PCCA: variants seen among roughly 807,000 people sequenced by gnomAD.
PCCA encodes the protein propionyl-CoA carboxylase subunit alpha.
A neutral mutation model predicts 101.3 loss-of-function variants in PCCA; 74 were observed. That is an observed-to-expected ratio of 0.73 (90% CI 0.61 to 0.89). PCCA has a LOEUF of 0.89. PCCA is among the 40% of genes least tolerant of loss of function. The pLI, the probability that PCCA is intolerant of heterozygous loss-of-function variation, is 0.00. For missense variants in PCCA, 891 were observed against 907.0 expected, an observed-to-expected ratio of 0.98 and a Z score of 0.23; for synonymous variants, 294 against 313.6, an observed-to-expected ratio of 0.94 and a Z score of 0.66.
chr13:100,444,890 ATAAAT>A (rs1419744243), intron 20 of PCCA, among the ~76,000 whole-genome samples: 1 of 152,124 alleles, frequency 6.6e-6, no homozygotes, highest in African/African-American at 2.4e-5. Context: ...TTTTTAATTG[ATAAAT>A]TAAAGTTGCA....
At chr13:100,498,565 C>A (rs530118573) in intron 21 of PCCA, among the ~76,000 whole-genome samples, 1 of 152,292 alleles carries the variant, frequency 6.6e-6, no homozygotes, top group East Asian at 1.9e-4. Flanking sequence ...TATTAACGTT[C>A]ACAACGCTGT....
At chr13:100,452,860 A>G (rs1371118337) in intron 21 of PCCA, among the ~76,000 whole-genome samples, 1 of 152,068 alleles carries the variant, frequency 6.6e-6, no homozygotes, top group Non-Finnish European at 1.5e-5. Flanking sequence ...TGAATGACTG[A>G]AATTGGCCAA....
At chr13:100,431,597 T>C (rs917362092) in intron 20 of PCCA, among the ~76,000 whole-genome samples, 1 of 152,206 alleles carries the variant, frequency 6.6e-6, no homozygotes, top group African/African-American at 2.4e-5. Context: ...ACGGTATGAG[T>C]GGCTCACGCC....
At chr13:100,188,493 A>G (rs1400866559) in intron 6 of PCCA, among the ~76,000 whole-genome samples, 1 of 152,104 alleles carries the variant, frequency 6.6e-6, no homozygotes, top group Non-Finnish European at 1.5e-5. Flanking sequence ...TATTTTTGCA[A>G]TTGCAAATTG....
intron 19 of PCCA, among the ~76,000 whole-genome samples, chr13:100,414,415 G>A (rs1292556276): frequency 6.6e-6 from 1 of 152,110 alleles, no homozygotes; most frequent in Non-Finnish European, 1.5e-5. Context: ...GGTAAAGAAA[G>A]CCTCCCCTTT....
chr13:100,407,827 T>C (rs374969465), intron 19 of PCCA, among the ~76,000 whole-genome samples: 1 of 152,218 alleles, frequency 6.6e-6, no homozygotes, highest in Non-Finnish European at 1.5e-5. Context: ...TTACATGTTA[T>C]AATAGTAACT....
intron 21 of PCCA, among the ~76,000 whole-genome samples, chr13:100,478,004 C>T (rs543786577): frequency 2.0e-5 from 3 of 152,212 alleles, no homozygotes; most frequent in East Asian, 1.9e-4. Flanking sequence ...CTGGATGTGG[C>T]GAGCTCGAGC....
At chr13:100,426,737 T>TG (rs1205754182) in intron 20 of PCCA, among the ~76,000 whole-genome samples, 5 of 152,166 alleles carry the variant, frequency 3.3e-5, no homozygotes, top group Admixed American at 6.5e-5. Flanking sequence ...TCCCAGTATA[T>TG]TTTTTCTCAT....
intron 20 of PCCA, among the ~76,000 whole-genome samples, chr13:100,442,154 C>T (rs1412994767): frequency 2.6e-5 from 4 of 151,898 alleles, no homozygotes; most frequent in African/African-American, 4.8e-5. Flanking sequence ...CCACCATGCC[C>T]GGCCAATTTT....
In PCCA at chr13:100,295,612, A is replaced by T. The variant is rs186328166; in HGVS notation, c.1066-5848A>T. On this transcript the variant is annotated intron_variant, in intron 12 of 23. Transcript: ENST00000376285. ...TTAAATGACAGTGATGTATTGAAGAAGTTTGTGCATGTGTGGAAGGATTTT... is the reference window on the plus strand; with the variant it reads ...TTAAATGACAGTGATGTATTGAAGATGTTTGTGCATGTGTGGAAGGATTTT... Among the ~76,000 whole-genome samples, 10 of 152,306 alleles carry T rather than the reference A, an allele frequency of 6.6e-5. No homozygotes were observed. The East Asian group carries it at 1.9e-3, about 29-fold the overall frequency.
At chr13:100,415,291 C>G (rs2078293708) in intron 19 of PCCA, among the ~76,000 whole-genome samples, 1 of 151,822 alleles carries the variant, frequency 6.6e-6, no homozygotes, top group Non-Finnish European at 1.5e-5. Context: ...TCTGTAACCC[C>G]AGCTACTCAA....
intron 19 of PCCA, among the ~76,000 whole-genome samples, chr13:100,375,356 G>A (rs926069695): frequency 1.3e-5 from 2 of 152,202 alleles, no homozygotes; most frequent in Admixed American, 1.3e-4. Flanking sequence ...GATTTGGGGT[G>A]TAGAGTTCTG....
intron 22 of PCCA, among the ~76,000 whole-genome samples, chr13:100,524,412 T>TGTGTGTGTGTGTG (rs59438858): frequency 3.2e-4 from 48 of 148,858 alleles, no homozygotes; most frequent in South Asian, 6.4e-4. Context: ...TGTGTGTGTG[T>TGTGTGTGTGTGTG]TGGGGTAGAA....
At chr13:100,257,014 G>A (rs930280616) in intron 8 of PCCA, among the ~76,000 whole-genome samples, 2 of 152,140 alleles carry the variant, frequency 1.3e-5, no homozygotes, top group African/African-American at 2.4e-5. Context: ...ACGGAACAGT[G>A]GAATAGCTTC....
At chr13:100,503,212 C>T (rs748616210) in intron 21 of PCCA, among the ~76,000 whole-genome samples, 2 of 152,194 alleles carry the variant, frequency 1.3e-5, no homozygotes, top group South Asian at 4.1e-4. Flanking sequence ...TCTTTCTGGC[C>T]GGGCGCAGTG....
intron 19 of PCCA, among the ~76,000 whole-genome samples, chr13:100,417,901 C>T (rs1317109461): frequency 6.6e-6 from 1 of 152,094 alleles, no homozygotes; most frequent in Non-Finnish European, 1.5e-5. Flanking sequence ...ACGACTGCTC[C>T]GCTCTTTCTT....
chr13:100,236,202 T>G lies in PCCA; in HGVS notation c.637+324T>G, dbSNP rs149191048. ...TTATATGTACATAGTTGAATGTGGT[T>G]TGTTAAAATTAAGAACATTTGGATT... is the stretch of plus-strand genomic sequence containing the variant. On this transcript the variant is annotated intron_variant, in intron 8 of 23. Transcript: ENST00000376285. Among the ~76,000 whole-genome samples, 228 of 152,344 alleles carry G rather than the reference T, an allele frequency of 1.5e-3. 2 individuals are homozygous for G. Among genetic ancestry groups the G allele is most frequent in the African/African-American group, 5.2e-3 (218 of 41,580 alleles).
intron 21 of PCCA, among the ~76,000 whole-genome samples, chr13:100,508,545 C>T (rs1470723956): frequency 6.6e-6 from 1 of 152,188 alleles, no homozygotes; most frequent in Non-Finnish European, 1.5e-5. Flanking sequence ...AATTGTGTGT[C>T]ACTAAACAGC....
chr13:100,210,687 C>T (rs1355904754), intron 7 of PCCA, among the ~76,000 whole-genome samples: 1 of 152,158 alleles, frequency 6.6e-6, no homozygotes. Context: ...AGAAGAGAGT[C>T]CTCATGTAGA....
Sources: allele counts gnomAD v4.1 joint callset (sites outside exome capture counted in the v4.1 genomes callset), GRCh38; gene constraint gnomAD v4.1.1; transcripts MANE v1.5; gene names NCBI Gene and HGNC (gene_info 2026-07-23, HGNC 2026-07-21).